Variants in LARS2 observed in about 807,000 individuals in gnomAD.
LARS2 encodes leucyl-tRNA synthetase 2, mitochondrial.
LARS2 carries 81 observed loss-of-function variants against 116.6 expected under a neutral mutation model. The ratio of observed to expected loss-of-function variants is 0.69; its 90% confidence interval spans 0.58 to 0.84. LARS2 has a LOEUF of 0.84. Among genes scored for constraint, LARS2 ranks in the 40% least tolerant of loss-of-function variants. The probability of loss-of-function intolerance (pLI) is 0.00; values close to 1 mark genes in which losing one functional copy is unlikely to be tolerated. For missense variants in LARS2, 968 were observed against 1,114.5 expected (o/e 0.87, Z 1.87); for synonymous variants, 396 against 407.2 (o/e 0.97, Z 0.33).
chr3:45,548,919 T>G lies in LARS2; in HGVS notation c.*1389T>G, dbSNP rs1700910711. On this transcript the variant is annotated 3_prime_UTR_variant, in exon 22 of 22. Coordinates refer to ENST00000645846, the MANE Select transcript of LARS2 (RefSeq NM_015340.4). ...ACAAACAGATTGAGGTATTCCATCA[T>G]CATCGGAAGCATTGGCTGTGTGTCT... The G allele has an allele frequency of 6.6e-6, 1 of 152,236 alleles. No individual in the cohort carries two copies. The highest frequency in any genetic ancestry group is 1.5e-5 in the Non-Finnish European group (1 of 68,038). 9.4% of individuals were successfully genotyped at this position (152,236 alleles called of 1,614,324 possible).
intron 8 of LARS2, among the ~76,000 whole-genome samples, chr3:45,470,435 C>T (rs1386225888): frequency 1.3e-5 from 2 of 152,170 alleles, no homozygotes; most frequent in Non-Finnish European, 2.9e-5. Flanking sequence ...AACACTGGCT[C>T]ATCTTGACTC....
chr3:45,498,533 A>G (rs761483932), intron 14 of LARS2, among the ~76,000 whole-genome samples: 4 of 152,240 alleles, frequency 2.6e-5, no homozygotes, highest in Non-Finnish European at 5.9e-5. Context: ...GGAGAACACC[A>G]AACTATATTA....
chr3:45,484,214 G>A (rs1699754696), intron 10 of LARS2, among the ~76,000 whole-genome samples: 1 of 151,490 alleles, frequency 6.6e-6, no homozygotes, highest in Admixed American at 6.6e-5. Flanking sequence ...TTAATTTTGG[G>A]GTTTGCAAAG....
chr3:45,395,116 GTCATATCTGAGAC>G lies in LARS2; in HGVS notation c.234+432_234+444del, dbSNP rs1223689368. Among the ~76,000 whole-genome samples the G allele has an allele frequency of 5.3e-5, 8 of 152,294 alleles. 1 individual carries two copies. In the East Asian group the frequency reaches 1.2e-3, roughly 22 times the overall value. On this transcript the variant is annotated intron_variant, in intron 3 of 21. Coordinates refer to ENST00000645846, the MANE Select transcript of LARS2 (RefSeq NM_015340.4). ...GGGCAGCACACAGGGATCTGGCAGG[GTCATATCTGAGAC>G]TCCAGGAGAGGCACCTGGGCTCCTC...
chr3:45,395,741 G>GA (rs1288868323), intron 3 of LARS2, among the ~76,000 whole-genome samples: 1 of 152,136 alleles, frequency 6.6e-6, no homozygotes, highest in African/African-American at 2.4e-5. Context: ...TGGTGGTTAT[G>GA]AAAAATGAGT....
chr3:45,530,387 G>A (rs1285336961), intron 20 of LARS2, among the ~76,000 whole-genome samples: 1 of 152,138 alleles, frequency 6.6e-6, no homozygotes, highest in Non-Finnish European at 1.5e-5. Context: ...GGGCATGGTG[G>A]CATGTGCCTG....
At chr3:45,497,268 C>T (rs1037742509) in intron 14 of LARS2, among the ~76,000 whole-genome samples, 1 of 151,614 alleles carries the variant, frequency 6.6e-6, no homozygotes, top group Middle Eastern at 3.2e-3. Flanking sequence ...GATTTTTAAG[C>T]TGTATTCATG....
intron 21 of LARS2, 147 bp from the exon 22 acceptor site, chr3:45,547,203 AG>A: frequency 1.5e-6 from 1 of 668,962 alleles, no homozygotes; most frequent in Non-Finnish European, 2.5e-6. Flanking sequence ...TATGGGAAGC[AG>A]AGTGCTGACT....
intron 5 of LARS2, among the ~76,000 whole-genome samples, chr3:45,417,878 G>A (rs754764108): frequency 4.6e-5 from 7 of 152,098 alleles, no homozygotes; most frequent in Non-Finnish European, 1.0e-4. Context: ...GAAGAGGGTC[G>A]CATTTGTTAA....
intron 4 of LARS2, among the ~76,000 whole-genome samples, chr3:45,400,937 C>A (rs188421892): frequency 1.3e-5 from 2 of 152,084 alleles, no homozygotes; most frequent in East Asian, 3.9e-4. Context: ...CCTCAGCCTC[C>A]CGAGTAGCTG....
chr3:45,480,054 A>G (rs1384036319), intron 10 of LARS2, among the ~76,000 whole-genome samples: 1 of 152,180 alleles, frequency 6.6e-6, no homozygotes, highest in East Asian at 1.9e-4. Context: ...CCTTGTCTCC[A>G]TAGTATCCAT....
chr3:45,478,397 G>A (rs1699648903), intron 10 of LARS2, among the ~76,000 whole-genome samples: 1 of 152,142 alleles, frequency 6.6e-6, no homozygotes, highest in African/African-American at 2.4e-5. Context: ...ATGAAAATAA[G>A]GTACTATTAA....
chr3:45,402,299 A>T (rs1416513790), intron 4 of LARS2, among the ~76,000 whole-genome samples: 1 of 152,254 alleles, frequency 6.6e-6, no homozygotes, highest in Non-Finnish European at 1.5e-5. Flanking sequence ...ACCTGCACAC[A>T]CCAGCACCTG....
chr3:45,457,867 A>G (rs982219489), intron 7 of LARS2, among the ~76,000 whole-genome samples: 1 of 152,290 alleles, frequency 6.6e-6, no homozygotes, highest in South Asian at 2.1e-4. Context: ...TGAGATAATG[A>G]ATCTTCATAA....
chr3:45,426,159 A>C (rs1163348374), intron 6 of LARS2, among the ~76,000 whole-genome samples: 5 of 152,210 alleles, frequency 3.3e-5, no homozygotes, highest in Non-Finnish European at 7.3e-5. Context: ...TTCATAGAGA[A>C]CCGGACCTCT....
rs1575283600 is a variant in LARS2 at position 45,484,491 on chromosome 3, T to C, written c.1019-1201T>C. ...TTAAGATGATACAGTGTTAGCTGGG[T>C]ACAGTGGCTCCTGCCTGTAATCCCA... On this transcript the variant is annotated intron_variant, in intron 10 of 21. Transcript: ENST00000645846. Among the ~76,000 whole-genome samples the C allele has an allele frequency of 2.0e-5, 3 of 147,348 alleles. No homozygotes were observed. In the Admixed American group the frequency reaches 2.1e-4, roughly 10 times the overall value.
intron 20 of LARS2, among the ~76,000 whole-genome samples, chr3:45,540,479 C>A (rs1700774722): frequency 1.3e-5 from 2 of 152,128 alleles, no homozygotes; most frequent in African/African-American, 4.8e-5. Flanking sequence ...GAGCCATAGA[C>A]CTATCCCTCT....
chr3:45,412,905 A>G (rs1559460186), intron 4 of LARS2, among the ~76,000 whole-genome samples: 2 of 152,368 alleles, frequency 1.3e-5, no homozygotes, highest in Non-Finnish European at 1.5e-5. Context: ...GGCAGGCCCC[A>G]TCCTTCCAGT....
At chr3:45,460,805 G>A (rs1376605329) in intron 8 of LARS2, among the ~76,000 whole-genome samples, 1 of 152,026 alleles carries the variant, frequency 6.6e-6, no homozygotes, top group African/African-American at 2.4e-5. Context: ...CCCCAAAAAG[G>A]CCATGTATTA....
Sources: gnomAD v4.1 joint callset for allele counts (sites outside exome capture counted in the v4.1 genomes callset) on GRCh38, gnomAD v4.1.1 for gene constraint, MANE v1.5 for transcripts, NCBI Gene and HGNC (gene_info 2026-07-23, HGNC 2026-07-21) for gene names.